DAPK1: variants seen among roughly 807,000 people sequenced by gnomAD.
DAPK1 encodes death-associated protein kinase 1.
A neutral mutation model predicts 144.9 loss-of-function variants in DAPK1; 56 were observed. The observed-to-expected ratio is 0.39, with a 90% CI of 0.31 to 0.48. The LOEUF is 0.48. Among genes scored for constraint, DAPK1 ranks in the 20% least tolerant of loss-of-function variants. The pLI is 0.95. For synonymous variants in DAPK1, 690 were observed against 749.0 expected, an observed-to-expected ratio of 0.92 and a Z score of 1.29; for missense variants, 1,454 against 1,875.4, an observed-to-expected ratio of 0.78 and a Z score of 4.15.
intron 2 of DAPK1, among the ~76,000 whole-genome samples, chr9:87,521,977 T>C (rs1422881801): frequency 1.3e-5 from 2 of 152,240 alleles, no homozygotes; most frequent in Non-Finnish European, 2.9e-5. Context: ...CAAGCATATT[T>C]AGTGAGCATT....
intron 2 of DAPK1, among the ~76,000 whole-genome samples, chr9:87,579,675 A>T (rs1827683655): frequency 6.6e-6 from 1 of 152,148 alleles, no homozygotes; most frequent in Non-Finnish European, 1.5e-5. Flanking sequence ...ACATTTACAC[A>T]TTCTCTTCTA....
chr9:87,658,106 C>A lies in DAPK1; in HGVS notation c.1902C>A (p.Ala634=). 2.0e-6 allele frequency: 3 copies of A among 1,497,366 alleles called. No homozygotes were observed. Among genetic ancestry groups the A allele is most frequent in the Non-Finnish European group, 2.8e-6 (3 of 1,074,744 alleles). 92.8% of individuals were successfully genotyped at this position (1,497,366 alleles called of 1,614,324 possible). ...DVVRYLCLMG[A]SVEALTTDGK... ...TCCGGTATCTCTGTCTGATGGGAGCCAGCGTTGAGGCGCTGACCACGGTGA... is the reference window on the plus strand; with the variant it reads ...TCCGGTATCTCTGTCTGATGGGAGCAAGCGTTGAGGCGCTGACCACGGTGA... Residue 634 remains alanine, a synonymous_variant, in exon 18 of 26, where the codon GCC becomes GCA. Coordinates refer to ENST00000408954, the MANE Select transcript of DAPK1 (RefSeq NM_004938.4).
At position 87,686,799 on chromosome 9, in the gene DAPK1, C is replaced by A; in HGVS notation, c.2413+60C>A. The A allele has an allele frequency of 7.0e-7, 1 of 1,435,342 alleles. No homozygotes were observed. 88.9% of individuals were successfully genotyped at this position (1,435,342 alleles called of 1,614,324 possible). A position where few individuals can be genotyped will look rare whatever the true frequency, so the allele number is the denominator to read the frequency against. On this transcript the variant is annotated intron_variant, in intron 21 of 25. Coordinates refer to ENST00000408954, the MANE Select transcript of DAPK1 (RefSeq NM_004938.4). This position sits in a 1 kb window ranked among gnomAD's most constrained non-coding sequence, Gnocchi z 4.2. ...GTTTCCCTTCAACAGGGTTGTAAGT[C>A]ATCCCTAAAGGGAGCTTGTCCTGAG...
rs201282589 is a variant in DAPK1, at chr9:87,697,189, G to C, written c.2596G>C (p.Val866Leu). The change falls in exon 22 of 26, where the codon GTT (valine) becomes CTT (leucine). Residue 866 changes from valine (V) to leucine (L), a missense_variant. By Grantham distance (32) the Val-to-Leu change is conservative (BLOSUM62 1). Around this residue, in one of 2 missense-constraint regions of DAPK1, gnomAD observed 1,025 missense variants for 1,237.9 expected, o/e 0.83. Transcript: ENST00000408954. ...WLSFLKSLVP[V>L]EEPIAFGGKL... ...CAGTTTCCTGAAGTCCCTTGTCCCAGTTGAAGAACCCATAGGTGAGCTAAG... is the reference window on the plus strand; with the variant it reads ...CAGTTTCCTGAAGTCCCTTGTCCCACTTGAAGAACCCATAGGTGAGCTAAG... The C allele has an allele frequency of 3.2e-6, 5 of 1,547,374 alleles. No individual in the cohort carries two copies. The highest frequency in any genetic ancestry group is 1.7e-4 in the Middle Eastern group (1 of 5,954).
chr9:87,700,235 T>C lies in DAPK1; in HGVS notation c.2869T>C (p.Ser957Pro). Residue 957 changes from serine (S) to proline (P), a missense_variant and splice_region_variant, in exon 24 of 26, where the codon TCG becomes CCG. By Grantham distance (74) the Ser-to-Pro change is moderately conservative. Around this residue, in one of 2 missense-constraint regions of DAPK1, gnomAD observed 1,025 missense variants for 1,237.9 expected, o/e 0.83. Coordinates refer to ENST00000408954, the MANE Select transcript of DAPK1 (RefSeq NM_004938.4). ...GCAAGAAATACGAAGCCAGATTGTT[T>C]CGGTAAGTACACCATGGAAAGAGCC... The part of the protein sequence containing the change: ...HLQEIRSQIV[S>P]VCPPMTHLCE... The C allele has an allele frequency of 6.2e-7, 1 of 1,612,182 alleles. No homozygotes were observed. The highest frequency in any genetic ancestry group is 8.5e-7 in the Non-Finnish European group (1 of 1,178,196).
chr9:87,650,143 T>C (rs767499872), intron 16 of DAPK1, 25 bp downstream of exon 16: 3 of 1,612,248 alleles, frequency 1.9e-6, no homozygotes, highest in Admixed American at 1.7e-5. Flanking sequence ...AAGACTCATA[T>C]GCACTGGGAA....
intron 2 of DAPK1, among the ~76,000 whole-genome samples, chr9:87,546,572 T>G (rs969077558): frequency 6.6e-6 from 1 of 152,162 alleles, no homozygotes; most frequent in Non-Finnish European, 1.5e-5. Context: ...GGGCAGTGCC[T>G]CCAGGGTCAA....
At chr9:87,653,702 A>T (rs1039780899) in intron 17 of DAPK1, among the ~76,000 whole-genome samples, 123 of 150,988 alleles carry the variant, frequency 8.1e-4, no homozygotes, top group African/African-American at 2.5e-3. Flanking sequence ...CATTATTATT[A>T]TTTTTTTTGA....
intron 3 of DAPK1, among the ~76,000 whole-genome samples, chr9:87,631,106 G>A (rs1380412382): frequency 2.0e-5 from 3 of 152,152 alleles, no homozygotes; most frequent in African/African-American, 7.2e-5. Flanking sequence ...TCGAAGGTGT[G>A]CCCTGGGGGA....
chr9:87,662,560 G>GTTTTGTTT (rs1554700237), intron 18 of DAPK1, among the ~76,000 whole-genome samples: 8 of 32,136 alleles, frequency 2.5e-4, no homozygotes, highest in African/African-American at 9.2e-4. Flanking sequence ...TATATTCCTA[G>GTTTTGTTT]TTTTTTTTTT....
At chr9:87,644,362 C>T (rs554748396) in intron 11 of DAPK1, among the ~76,000 whole-genome samples, 2 of 151,976 alleles carry the variant, frequency 1.3e-5, no homozygotes, top group African/African-American at 2.4e-5. Flanking sequence ...AAGGCAGCCA[C>T]GGTTGTCCTG....
rs1245008789 is a variant in DAPK1 at position 87,571,466 on chromosome 9, CACACACACCA to C, written c.63-33479_63-33470del. Among the ~76,000 whole-genome samples, 54 of 60,428 alleles carry C rather than the reference CACACACACCA, an allele frequency of 8.9e-4. 1 individual carries two copies. Among genetic ancestry groups the C allele is most frequent in the African/African-American group, 2.5e-3 (29 of 11,790 alleles). 39.6% of individuals were successfully genotyped at this position (60,428 alleles called of 152,430 possible). A position where few individuals can be genotyped will look rare whatever the true frequency, so the allele number is the denominator to read the frequency against. Reference sequence around the variant, plus strand: ...ACACACACACACACACACACACACACACACACACCAACACACACACACACACACCCCAACA... The same window carrying C: ...ACACACACACACACACACACACACACACACACACACACACACACCCCAACA... On this transcript the variant is annotated intron_variant, in intron 2 of 25. Coordinates refer to ENST00000408954, the MANE Select transcript of DAPK1 (RefSeq NM_004938.4).
At chr9:87,630,822 CAG>C (rs1355942113) in intron 3 of DAPK1, among the ~76,000 whole-genome samples, 6 of 152,256 alleles carry the variant, frequency 3.9e-5, no homozygotes, top group Non-Finnish European at 5.9e-5. Context: ...TCAGGATGAA[CAG>C]AGTCTTGTTA....
chr9:87,684,933 C>T (rs573165824), intron 20 of DAPK1, among the ~76,000 whole-genome samples: 44 of 152,316 alleles, frequency 2.9e-4, no homozygotes, highest in African/African-American at 8.9e-4. Context: ...CATTTACCAA[C>T]GTCTGCTCTC....
rs373622506 is a variant in DAPK1 at position 87,697,165 on chromosome 9, A to G, written c.2572A>G (p.Ser858Gly). The G allele has an allele frequency of 6.3e-7, 1 of 1,583,528 alleles. No individual in the cohort carries two copies. The highest frequency in any genetic ancestry group is 8.7e-7 in the Non-Finnish European group (1 of 1,152,100). ...IQLNQVIFWL[S>G]FLKSLVPVEE... is the part of the protein sequence containing the mutation. The stretch of plus-strand genomic sequence containing the variant: ...GCTGAACCAAGTGATTTTCTGGCTC[A>G]GTTTCCTGAAGTCCCTTGTCCCAGT... The change falls in exon 22 of 26, where the codon AGT (serine) becomes GGT (glycine). Residue 858 changes from serine to glycine, a missense_variant. Ser to Gly is a moderately conservative substitution (Grantham distance 56). Coordinates refer to ENST00000408954, the MANE Select transcript of DAPK1 (RefSeq NM_004938.4).
intron 2 of DAPK1, among the ~76,000 whole-genome samples, chr9:87,548,913 C>CTTTTTTTTTT (rs11291160): frequency 3.1e-5 from 2 of 63,846 alleles, no homozygotes; most frequent in Non-Finnish European, 2.6e-5. Context: ...GATTTCATTC[C>CTTTTTTTTTT]TTTTTTTTTT....
intron 20 of DAPK1, among the ~76,000 whole-genome samples, chr9:87,683,088 T>TATTTA (rs200881918): frequency 0.38 from 55,700 of 147,336 alleles, 11,826 homozygotes; most frequent in Middle Eastern, 0.58. Flanking sequence ...TTTATTTATT[T>TATTTA]TTTTTTTTTT....
rs1240718660 is a variant in DAPK1 at position 87,525,982 on chromosome 9, A to ACTAC, written c.62+26843_62+26844insCTAC. On this transcript the variant is annotated intron_variant, in intron 2 of 25. Coordinates refer to ENST00000408954, the MANE Select transcript of DAPK1 (RefSeq NM_004938.4). ...TTTGTTGGGTTTTGCTCTTTTACTG[A>ACTAC]TTTCTACTAGATTTTTTGGCTCCTT... Among the ~76,000 whole-genome samples, 484 of 152,078 alleles carry ACTAC rather than the reference A, an allele frequency of 3.2e-3. 2 individuals are homozygous for ACTAC. Among genetic ancestry groups the ACTAC allele is most frequent in the African/African-American group, 0.011 (448 of 41,484 alleles).
At chr9:87,573,474 AGAGG>A (rs1193718849) in intron 2 of DAPK1, among the ~76,000 whole-genome samples, 1 of 152,212 alleles carries the variant, frequency 6.6e-6, no homozygotes, top group Non-Finnish European at 1.5e-5. Context: ...GAAGGAGCAG[AGAGG>A]GAGGGAGGGG....
Sources: allele counts gnomAD v4.1 joint callset (sites outside exome capture counted in the v4.1 genomes callset), GRCh38; gene constraint gnomAD v4.1.1; regional missense constraint gnomAD v4.1.1; non-coding constraint Gnocchi (gnomAD v3.1); transcripts MANE v1.5; gene names NCBI Gene and HGNC (gene_info 2026-07-23, HGNC 2026-07-21).